EML1: variants seen among roughly 807,000 people sequenced by gnomAD.
EML1 encodes the protein echinoderm microtubule-associated protein-like 1.
A neutral mutation model predicts 110.4 loss-of-function variants in EML1; 27 were observed. The observed-to-expected ratio is 0.24, with a 90% CI of 0.18 to 0.34. The LOEUF (loss-of-function observed/expected upper bound fraction) is 0.34, where lower values mean the gene tolerates loss of function less well. Among genes scored for constraint, EML1 ranks in the 10% least tolerant of loss-of-function variants. The probability of loss-of-function intolerance (pLI) is 1.00; values close to 1 mark genes in which losing one functional copy is unlikely to be tolerated. For synonymous variants in EML1, 344 were observed against 385.8 expected, an observed-to-expected ratio of 0.89 and a Z score of 1.27; for missense variants, 741 against 1,030.9, an observed-to-expected ratio of 0.72 and a Z score of 3.85.
At chr14:99,851,348 C>T (rs1462776975) in intron 2 of EML1, among the ~76,000 whole-genome samples, 1 of 151,914 alleles carries the variant, frequency 6.6e-6, no homozygotes, top group African/African-American at 2.4e-5. Context: ...CGCTCTGTCG[C>T]CCAGGCTAGA....
chr14:99,842,111 G>A (rs2058643424), intron 1 of EML1, among the ~76,000 whole-genome samples: 1 of 152,182 alleles, frequency 6.6e-6, no homozygotes, highest in African/African-American at 2.4e-5. Context: ...AGGTATAGGA[G>A]CAAAAATGAC....
At chr14:99,886,585 G>A (rs1415613318) in intron 4 of EML1, among the ~76,000 whole-genome samples, 1 of 152,200 alleles carries the variant, frequency 6.6e-6, no homozygotes, top group Non-Finnish European at 1.5e-5. Context: ...CCTCTATCAA[G>A]CCTTATTAAT....
chr14:99,763,389 C>T (rs2057335480), intron 1 of EML1, among the ~76,000 whole-genome samples: 1 of 152,118 alleles, frequency 6.6e-6, no homozygotes, highest in South Asian at 2.1e-4. Flanking sequence ...ATGGACACAC[C>T]TACTATATAC....
intron 1 of EML1, among the ~76,000 whole-genome samples, chr14:99,812,175 T>C (rs928898813): frequency 6.6e-6 from 1 of 151,872 alleles, no homozygotes; most frequent in African/African-American, 2.4e-5. Flanking sequence ...AGTACGTGTG[T>C]GTTGGAGTTT....
intron 3 of EML1, among the ~76,000 whole-genome samples, chr14:99,877,799 T>C (rs1021163871): frequency 1.3e-5 from 2 of 152,176 alleles, no homozygotes; most frequent in Admixed American, 6.5e-5. Context: ...TCCCGGGCCA[T>C]GCAGGATTTC....
intron 1 of EML1, among the ~76,000 whole-genome samples, chr14:99,750,151 G>A (rs1212454593): frequency 6.6e-6 from 1 of 152,240 alleles, no homozygotes; most frequent in Non-Finnish European, 1.5e-5. Flanking sequence ...TGTCACGGGT[G>A]GAAAACAAAT....
intron 1 of EML1, among the ~76,000 whole-genome samples, chr14:99,840,223 GT>G (rs942219295): frequency 1.5e-4 from 23 of 152,180 alleles, no homozygotes; most frequent in African/African-American, 5.1e-4. Flanking sequence ...AATCTGGTAA[GT>G]TTTTTTTCTA....
chr14:99,900,862 G>C, intron 8 of EML1, 67 bp from the exon 9 acceptor site: 1 of 1,361,874 alleles, frequency 7.3e-7, no homozygotes, highest in Non-Finnish European at 1.0e-6. Context: ...TAATCTTGTA[G>C]CTTCAAGGTA....
chr14:99,924,273 C>T (rs116944915), intron 17 of EML1, among the ~76,000 whole-genome samples: 4 of 152,244 alleles, frequency 2.6e-5, no homozygotes, highest in East Asian at 1.9e-4. Flanking sequence ...GAATTTTGCA[C>T]GTAGATCTTA....
At chr14:99,847,531 A>G (rs1022557662) in intron 1 of EML1, among the ~76,000 whole-genome samples, 6 of 152,098 alleles carry the variant, frequency 3.9e-5, no homozygotes, top group Admixed American at 3.3e-4. Flanking sequence ...TAAATTTTTT[A>G]TAGAGATGAG....
intron 3 of EML1, among the ~76,000 whole-genome samples, chr14:99,872,255 T>TC (rs1292540431): frequency 6.6e-6 from 1 of 152,140 alleles, no homozygotes; most frequent in Non-Finnish European, 1.5e-5. Context: ...ATGAAAGGGC[T>TC]CCTAGGTGGC....
rs564307856 is a variant in EML1 at position 99,866,437 on chromosome 14, G to A, written c.383+791G>A. Among the ~76,000 whole-genome samples, 3 of 152,212 alleles carry A rather than the reference G, an allele frequency of 2.0e-5. No individual in the cohort carries two copies. In the South Asian group the frequency reaches 6.2e-4, roughly 32 times the overall value. On this transcript the variant is annotated intron_variant, in intron 3 of 21. Transcript: ENST00000262233. The stretch of plus-strand genomic sequence containing the variant: ...ATACAAAAATTATCTGAGCGTGGTG[G>A]CACATGCCTGTGATCCCAGCTACTT...
intron 1 of EML1, among the ~76,000 whole-genome samples, chr14:99,813,732 T>C (rs1000260334): frequency 6.6e-6 from 1 of 152,076 alleles, no homozygotes. Flanking sequence ...TTTTTAACTA[T>C]AGAGATGGAG....
chr14:99,873,338 A>G (rs980683352), intron 3 of EML1, among the ~76,000 whole-genome samples: 3 of 152,348 alleles, frequency 2.0e-5, no homozygotes, highest in Non-Finnish European at 2.9e-5. Context: ...CTTTGGAAAA[A>G]TAGTTCCACT....
chr14:99,891,139 G>A, intron 4 of EML1, 60 bp from the exon 5 acceptor site: 1 of 1,610,348 alleles, frequency 6.2e-7, no homozygotes, highest in Non-Finnish European at 8.5e-7. Context: ...GGGGTCTGAA[G>A]TGAATGAGAT....
intron 1 of EML1, among the ~76,000 whole-genome samples, chr14:99,776,895 T>C (rs923745303): frequency 6.6e-6 from 1 of 152,254 alleles, no homozygotes; most frequent in East Asian, 1.9e-4. Context: ...CTTTAAATCA[T>C]GAGCTTCAAC....
At chr14:99,907,576 T>C (rs2059872973) in intron 9 of EML1, 62 bp from the exon 10 acceptor site, 1 of 1,425,596 alleles carries the variant, frequency 7.0e-7, no homozygotes, top group Non-Finnish European at 9.8e-7. Context: ...TGTTTATTTT[T>C]AATCATGTTC....
chr14:99,766,337 G>A (rs186644114), intron 1 of EML1, among the ~76,000 whole-genome samples: 434 of 152,026 alleles, frequency 2.9e-3, no homozygotes, highest in Non-Finnish European at 5.0e-3. Context: ...TGGGATTACA[G>A]GTGCCCACCA....
intron 20 of EML1, among the ~76,000 whole-genome samples, chr14:99,938,493 C>G (rs1231485294): frequency 6.6e-6 from 1 of 152,208 alleles, no homozygotes; most frequent in Non-Finnish European, 1.5e-5. Flanking sequence ...CAACGTGCAT[C>G]CAGCCCTCTC....
Sources: gnomAD v4.1 joint callset for allele counts (sites outside exome capture counted in the v4.1 genomes callset) on GRCh38, gnomAD v4.1.1 for gene constraint, MANE v1.5 for transcripts, NCBI Gene and HGNC (gene_info 2026-07-23, HGNC 2026-07-21) for gene names.